BMP8A: variants seen among roughly 807,000 people sequenced by gnomAD.
The protein encoded by BMP8A is BMP-8A.
In BMP8A, 14 loss-of-function variants were observed where a neutral mutation model predicts 36.8. That is an observed-to-expected ratio of 0.38 (90% CI 0.25 to 0.60). The LOEUF (loss-of-function observed/expected upper bound fraction) is 0.60. BMP8A is among the 20% of genes least tolerant of loss of function. The probability of loss-of-function intolerance (pLI) is 0.63; values close to 1 mark genes in which losing one functional copy is unlikely to be tolerated. For synonymous variants in BMP8A, 120 were observed against 237.7 expected, an observed-to-expected ratio of 0.50 and a Z score of 4.55; for missense variants, 267 against 551.1, an observed-to-expected ratio of 0.48 and a Z score of 5.16.
intron 4 of BMP8A, among the ~76,000 whole-genome samples, chr1:39,522,068 T>G (rs1450484111): frequency 3.4e-5 from 4 of 117,326 alleles, no homozygotes; most frequent in Non-Finnish European, 3.8e-5. Flanking sequence ...CAGGAGAGGG[T>G]GGGCTGGAGT....
At chr1:39,503,002 T>C (rs1645265710) in intron 1 of BMP8A, among the ~76,000 whole-genome samples, 3 of 152,172 alleles carry the variant, frequency 2.0e-5, no homozygotes, top group Non-Finnish European at 2.9e-5. Context: ...GCCAAGATCA[T>C]GTCATTGCAC....
intron 1 of BMP8A, among the ~76,000 whole-genome samples, chr1:39,507,414 G>C (rs1327869252): frequency 6.6e-6 from 1 of 152,214 alleles, no homozygotes; most frequent in Non-Finnish European, 1.5e-5. Context: ...ATTGCATGCT[G>C]TATATTGAGG....
chr1:39,504,544 T>C (rs1348498235), intron 1 of BMP8A, among the ~76,000 whole-genome samples: 2 of 152,124 alleles, frequency 1.3e-5, no homozygotes, highest in African/African-American at 2.4e-5. Flanking sequence ...TCAGTCGGTA[T>C]AGTGTGAGAC....
At chr1:39,517,875 T>C (rs1645405339) in intron 3 of BMP8A, among the ~76,000 whole-genome samples, 1 of 152,284 alleles carries the variant, frequency 6.6e-6, no homozygotes, top group African/African-American at 2.4e-5. Context: ...GGCCAAAGGC[T>C]ACAGCCTAGG....
chr1:39,495,113 A>T (rs1346031458), intron 1 of BMP8A, among the ~76,000 whole-genome samples: 1 of 152,168 alleles, frequency 6.6e-6, no homozygotes, highest in African/African-American at 2.4e-5. Flanking sequence ...CATGGGATCT[A>T]ATAGCAGGGT....
rs1645460657 is a variant in BMP8A at position 39,524,316 on chromosome 1, C to T, written c.1059+1199C>T. Among the ~76,000 whole-genome samples, 1 of 152,140 alleles carries T rather than the reference C, an allele frequency of 6.6e-6. No homozygotes were observed. Among genetic ancestry groups the T allele is most frequent in the Non-Finnish European group, 1.5e-5 (1 of 68,018 alleles). ...GGGGCTCAACTAGAGTGAGTGCTCACAGCCTACAGGGCAGCAAACAGGCAC... is the reference window on the plus strand; with the variant it reads ...GGGGCTCAACTAGAGTGAGTGCTCATAGCCTACAGGGCAGCAAACAGGCAC... On this transcript the variant is annotated intron_variant, in intron 6 of 6. Transcript: ENST00000331593. This position sits in a 1 kb window ranked among gnomAD's most constrained non-coding sequence, Gnocchi z 4.0.
intron 1 of BMP8A, among the ~76,000 whole-genome samples, chr1:39,500,050 A>G (rs902249156): frequency 1.3e-5 from 2 of 152,208 alleles, no homozygotes; most frequent in African/African-American, 4.8e-5. Context: ...TTGGAGATGA[A>G]CTGGCCTTGC....
In BMP8A at chr1:39,524,060, T is replaced by G. The variant is rs1645458375; in HGVS notation, c.1059+943T>G. Among the ~76,000 whole-genome samples the G allele has an allele frequency of 6.6e-6, 1 of 152,090 alleles. No individual in the cohort carries two copies. The highest frequency in any genetic ancestry group is 2.4e-5 in the African/African-American group (1 of 41,384). ...GAGGAAAGAAATTACCAAAAGCTGC[T>G]CTGAGCCTATGATAATACTTCCTTT... On this transcript the variant is annotated intron_variant, in intron 6 of 6. Coordinates refer to ENST00000331593, the MANE Select transcript of BMP8A (RefSeq NM_181809.4). This position sits in a 1 kb window ranked among gnomAD's most constrained non-coding sequence, Gnocchi z 4.0.
At chr1:39,499,598 G>C (rs1645235993) in intron 1 of BMP8A, among the ~76,000 whole-genome samples, 1 of 152,250 alleles carries the variant, frequency 6.6e-6, no homozygotes, top group Non-Finnish European at 1.5e-5. Context: ...TGGAGTGGCT[G>C]GTGGCCATGC....
intron 1 of BMP8A, among the ~76,000 whole-genome samples, chr1:39,509,461 C>T (rs1645331857): frequency 6.6e-6 from 1 of 152,154 alleles, no homozygotes; most frequent in African/African-American, 2.4e-5. Context: ...GAGATCGTGG[C>T]CTGTGTCACG....
intron 1 of BMP8A, among the ~76,000 whole-genome samples, chr1:39,498,779 C>A (rs1048707496): frequency 6.6e-6 from 1 of 152,086 alleles, no homozygotes; most frequent in Non-Finnish European, 1.5e-5. Context: ...GCAGGCCCAG[C>A]CCATGCACCC....
At chr1:39,505,033 A>G (rs10888807) in intron 1 of BMP8A, among the ~76,000 whole-genome samples, 12,714 of 152,218 alleles carry the variant, frequency 0.084, 1,013 homozygotes, top group East Asian at 0.33. Flanking sequence ...ATCTCAGTAA[A>G]TAGAATGTCC....
intron 1 of BMP8A, among the ~76,000 whole-genome samples, chr1:39,493,185 A>G (rs74069331): frequency 0.026 from 3,912 of 152,266 alleles, 156 homozygotes; most frequent in African/African-American, 0.086. Flanking sequence ...GCCAAGGACC[A>G]CAGCTCAGCC....
intron 1 of BMP8A, among the ~76,000 whole-genome samples, chr1:39,497,334 G>A (rs1312851492): frequency 6.6e-6 from 1 of 152,192 alleles, no homozygotes; most frequent in Non-Finnish European, 1.5e-5. Context: ...TTTGAGGCAA[G>A]GTAAGTGAGC....
At chr1:39,513,412 G>A (rs1645373336) in intron 3 of BMP8A, among the ~76,000 whole-genome samples, 1 of 141,934 alleles carries the variant, frequency 7.0e-6, no homozygotes, top group Non-Finnish European at 1.5e-5. Context: ...ACGTGTGGGG[G>A]CCCCACAGTG....
intron 1 of BMP8A, among the ~76,000 whole-genome samples, chr1:39,501,316 C>T (rs1207643540): frequency 2.0e-5 from 3 of 152,212 alleles, no homozygotes; most frequent in Non-Finnish European, 4.4e-5. Context: ...AGGGATAAAA[C>T]ACATCCAAAC....
chr1:39,492,768 C>G (rs1307578771), intron 1 of BMP8A, among the ~76,000 whole-genome samples: 1 of 152,182 alleles, frequency 6.6e-6, no homozygotes, highest in Non-Finnish European at 1.5e-5. Flanking sequence ...AGAGCTGAGT[C>G]GCGTGCCCTG....
rs1645160111 is a variant in BMP8A at position 39,491,823 on chromosome 1, C to T, written c.-169C>T. The stretch of plus-strand genomic sequence containing the variant: ...GCGTCCGCTTGTCCCGGAGCCGGGG[C>T]AGGTGCGCGCGGGGGGCGCTCCAGG... On this transcript the variant is annotated 5_prime_UTR_variant, in exon 1 of 7. Transcript: ENST00000331593. The T allele has an allele frequency of 6.8e-6, 3 of 439,426 alleles. No homozygotes were observed. Among genetic ancestry groups the T allele is most frequent in the Non-Finnish European group, 9.3e-6 (3 of 323,870 alleles). 27.2% of individuals were successfully genotyped at this position (439,426 alleles called of 1,614,324 possible).
chr1:39,506,499 G>GCC (rs373025725), intron 1 of BMP8A, among the ~76,000 whole-genome samples: 29 of 151,394 alleles, frequency 1.9e-4, no homozygotes, highest in African/African-American at 7.0e-4. Context: ...GAGCCACCGC[G>GCC]CCCCCCCCAA....
Sources: allele counts gnomAD v4.1 joint callset (sites outside exome capture counted in the v4.1 genomes callset), GRCh38; gene constraint gnomAD v4.1.1; non-coding constraint Gnocchi (gnomAD v3.1); transcripts MANE v1.5; gene names NCBI Gene and HGNC (gene_info 2026-07-23, HGNC 2026-07-21).